FSTL4: variants seen among roughly 807,000 people sequenced by gnomAD.
FSTL4 encodes the protein follistatin-related protein 4.
Under a neutral mutation model 78.2 loss-of-function variants are expected in FSTL4, and 28 were observed. The observed-to-expected ratio is 0.36, with a 90% CI of 0.27 to 0.49. The LOEUF is 0.49. FSTL4 is among the 20% of genes least tolerant of loss of function. FSTL4 has a pLI of 0.98. For missense variants in FSTL4, 922 were observed against 1,084.9 expected (o/e 0.85, Z 2.11); for synonymous variants, 422 against 440.5 (o/e 0.96, Z 0.53).
intron 3 of FSTL4, among the ~76,000 whole-genome samples, chr5:133,484,814 T>C (rs984923739): frequency 6.6e-6 from 1 of 152,210 alleles, no homozygotes; most frequent in Non-Finnish European, 1.5e-5. Context: ...TTCTGTAAAA[T>C]GGGGATTCCT....
At chr5:133,795,729 G>A in the FSTL4 span, among the ~76,000 whole-genome samples, 1 of 152,192 alleles carries the variant, frequency 6.6e-6, no homozygotes, top group Non-Finnish European at 1.5e-5. Context: ...TTCTAAGGAA[G>A]TTCTGGAGAA....
chr5:133,800,302 C>T, the FSTL4 span, among the ~76,000 whole-genome samples: 1 of 138,056 alleles, frequency 7.2e-6, no homozygotes, highest in East Asian at 2.0e-4. Flanking sequence ...CTGGCCAAGG[C>T]TGGTGAGGCA....
chr5:133,421,512 C>T (rs1388398395), intron 3 of FSTL4, among the ~76,000 whole-genome samples: 1 of 86,256 alleles, frequency 1.2e-5, no homozygotes, highest in African/African-American at 3.3e-5. Context: ...ATAAGAGTTT[C>T]CCCATTCGCT....
chr5:133,364,275 C>G (rs964488519), intron 4 of FSTL4, among the ~76,000 whole-genome samples: 1 of 151,922 alleles, frequency 6.6e-6, no homozygotes, highest in Non-Finnish European at 1.5e-5. Context: ...ACAACTAAAG[C>G]CCGGTTCTGT....
chr5:133,626,364 A>C, the FSTL4 span, among the ~76,000 whole-genome samples: 1 of 117,218 alleles, frequency 8.5e-6, no homozygotes, highest in Non-Finnish European at 1.7e-5. Context: ...CCATATATAT[A>C]TAATTTGTGC....
chr5:133,627,661 T>C, the FSTL4 span, among the ~76,000 whole-genome samples: 1 of 152,218 alleles, frequency 6.6e-6, no homozygotes. Context: ...ACAGACAGCA[T>C]ATAGCAGGAT....
the FSTL4 span, among the ~76,000 whole-genome samples, chr5:133,641,731 A>C: frequency 4.6e-5 from 7 of 152,208 alleles, no homozygotes; most frequent in Non-Finnish European, 1.0e-4. Flanking sequence ...ATATGCATAC[A>C]ATGAAATACA....
rs139684571 is a variant in FSTL4, at chr5:133,240,514, G to A, written c.895-6977C>T. ...CCCAGGTTCAGGCCTGGAAGAGGGA[G>A]TTGGAGGCATGAGAGAAGCCACTGT... On this transcript the variant is annotated intron_variant, in intron 7 of 15. Transcript: ENST00000265342. 1.8e-3 allele frequency among the ~76,000 whole-genome samples: 273 copies of A among 152,312 alleles called. 1 individual carries two copies. The highest frequency in any genetic ancestry group is 6.4e-3 in the African/African-American group (267 of 41,560).
intron 13 of FSTL4, among the ~76,000 whole-genome samples, chr5:133,212,014 A>G (rs1750745633): frequency 6.6e-6 from 1 of 152,212 alleles, no homozygotes; most frequent in Admixed American, 6.5e-5. Context: ...AGCCTTAAGT[A>G]GAGGCTGCTT....
At chr5:133,400,685 T>C (rs954421707) in intron 4 of FSTL4, 53 bp downstream of exon 4, 28 of 1,555,798 alleles carry the variant, frequency 1.8e-5, no homozygotes, top group Middle Eastern at 1.7e-4. Context: ...CAAAAAGGCA[T>C]TGGAAGACCC....
chr5:133,348,278 G>A lies in FSTL4; in HGVS notation c.410-31626C>T, dbSNP rs192044180. Among the ~76,000 whole-genome samples the A allele has an allele frequency of 4.6e-5, 7 of 152,326 alleles. No individual in the cohort carries two copies. The East Asian group carries it at 1.3e-3, about 29-fold the overall frequency. ...AGCTGCAAAATCTTAGCTTTTCATA[G>A]CAAAGAATAAAGCTATGGAGTCCAT... On this transcript the variant is annotated intron_variant, in intron 4 of 15. Coordinates refer to ENST00000265342, the MANE Select transcript of FSTL4 (RefSeq NM_015082.2).
At chr5:133,650,250 G>T in the FSTL4 span, among the ~76,000 whole-genome samples, 2 of 152,026 alleles carry the variant, frequency 1.3e-5, no homozygotes, top group Non-Finnish European at 2.9e-5. Context: ...CCAACATCAG[G>T]AACCAAACTT....
chr5:133,694,481 G>T, the FSTL4 span, among the ~76,000 whole-genome samples: 1 of 152,258 alleles, frequency 6.6e-6, no homozygotes. Flanking sequence ...CTAGGGCACC[G>T]TGGACTGTGA....
At chr5:133,473,282 T>A (rs1757861210) in intron 3 of FSTL4, among the ~76,000 whole-genome samples, 1 of 152,206 alleles carries the variant, frequency 6.6e-6, no homozygotes, top group Non-Finnish European at 1.5e-5. Flanking sequence ...TCAAAGCATG[T>A]CAGCTGCTTG....
intron 4 of FSTL4, among the ~76,000 whole-genome samples, chr5:133,379,918 T>C (rs1445529471): frequency 1.3e-5 from 2 of 151,510 alleles, no homozygotes; most frequent in Non-Finnish European, 2.9e-5. Context: ...CTACTAAATA[T>C]ACAAAAATTA....
intron 3 of FSTL4, among the ~76,000 whole-genome samples, chr5:133,524,552 C>T (rs563884509): frequency 1.5e-4 from 23 of 152,302 alleles, no homozygotes; most frequent in East Asian, 7.7e-4. Context: ...AAAACAACTT[C>T]GCGCAGAGAA....
chr5:133,368,130 G>A (rs1033886358), intron 4 of FSTL4, among the ~76,000 whole-genome samples: 2 of 152,244 alleles, frequency 1.3e-5, no homozygotes, highest in African/African-American at 4.8e-5. Context: ...TCTTTGTTTA[G>A]CTGGGGGCTT....
chr5:133,647,259 C>T, the FSTL4 span, among the ~76,000 whole-genome samples: 337 of 152,218 alleles, frequency 2.2e-3, 2 homozygotes, highest in African/African-American at 7.2e-3. Flanking sequence ...GAACAACCCA[C>T]CCCTTACCAA....
the FSTL4 span, among the ~76,000 whole-genome samples, chr5:133,740,329 G>T: frequency 1.3e-5 from 2 of 152,254 alleles, no homozygotes; most frequent in Admixed American, 1.3e-4. Context: ...CTTAAGGCCT[G>T]CCCCTGGCCC....
Sources: gnomAD v4.1 joint callset for allele counts (sites outside exome capture counted in the v4.1 genomes callset) on GRCh38, gnomAD v4.1.1 for gene constraint, MANE v1.5 for transcripts, NCBI Gene and HGNC (gene_info 2026-07-23, HGNC 2026-07-21) for gene names.